PPM1H: variants seen among roughly 807,000 people sequenced by gnomAD.
The protein encoded by PPM1H is protein phosphatase 1H.
PPM1H carries 27 observed loss-of-function variants against 54.9 expected under a neutral mutation model. The ratio of observed to expected loss-of-function variants is 0.49; its 90% confidence interval spans 0.36 to 0.68. The LOEUF (loss-of-function observed/expected upper bound fraction) is 0.68. PPM1H is among the 30% of genes least tolerant of loss of function. The pLI is 0.00. For missense variants in PPM1H, 596 were observed against 667.8 expected (o/e 0.89, Z 1.19); for synonymous variants, 305 against 270.8 (o/e 1.13, Z -1.24).
In PPM1H at chr12:62,768,950, T is replaced by C. The variant is rs189236343; in HGVS notation, c.869+19276A>G. On this transcript the variant is annotated intron_variant, in intron 4 of 9. Transcript: ENST00000228705. The stretch of plus-strand genomic sequence containing the variant: ...TTTAAGCCTGTTACCTGATTTCTTT[T>C]AGGCCTAACCTGAGACATGTTTGTT... Among the ~76,000 whole-genome samples, 182 of 152,308 alleles carry C rather than the reference T, an allele frequency of 1.2e-3. 3 individuals are homozygous for C. Among genetic ancestry groups the C allele is most frequent in the East Asian group, 9.7e-4 (5 of 5,176 alleles).
At chr12:62,664,679 C>T (rs562652095) in intron 9 of PPM1H, among the ~76,000 whole-genome samples, 1 of 152,314 alleles carries the variant, frequency 6.6e-6, no homozygotes, top group African/African-American at 2.4e-5. Flanking sequence ...AATATGACCA[C>T]ATGTTTACTA....
intron 2 of PPM1H, among the ~76,000 whole-genome samples, chr12:62,821,440 C>G (rs1314077519): frequency 6.6e-6 from 1 of 152,132 alleles, no homozygotes; most frequent in East Asian, 1.9e-4. Flanking sequence ...AGATACTCCT[C>G]AAGAAGAGCA....
In PPM1H at chr12:62,934,109, T is replaced by G; in HGVS notation, c.245+383A>C. On this transcript the variant is annotated intron_variant, in intron 1 of 9. Transcript: ENST00000228705. The surrounding 1 kb of genome is among the most constrained non-coding windows in gnomAD (Gnocchi z 4.2). ...TCATCACGCGGGGGCGTCAACTATATTTTGGGAGGGTGGGGGTACAGATAG... is the reference window on the plus strand; with the variant it reads ...TCATCACGCGGGGGCGTCAACTATAGTTTGGGAGGGTGGGGGTACAGATAG... 3.5e-5 allele frequency: 6 copies of G among 173,874 alleles called. No homozygotes were observed. Among genetic ancestry groups the G allele is most frequent in the Admixed American group, 6.2e-5 (1 of 16,036 alleles). The allele number at this position is 173,874 out of a possible 1,614,324, so 10.8% of individuals were successfully genotyped here. A position where few individuals can be genotyped will look rare whatever the true frequency, so the allele number is the denominator to read the frequency against.
intron 3 of PPM1H, among the ~76,000 whole-genome samples, chr12:62,789,459 T>A (rs925519266): frequency 6.6e-6 from 1 of 152,226 alleles, no homozygotes; most frequent in African/African-American, 2.4e-5. Flanking sequence ...ATGACTTAAA[T>A]AAATTATAAA....
chr12:62,931,560 G>A (rs1268699409), intron 1 of PPM1H, among the ~76,000 whole-genome samples: 1 of 152,180 alleles, frequency 6.6e-6, no homozygotes, highest in African/African-American at 2.4e-5. Flanking sequence ...AGAGAGAGAT[G>A]GCCAAGACTT....
chr12:62,801,971 C>CG lies in PPM1H; in HGVS notation c.600dup (p.Ala201ArgfsTer38). The CG allele has an allele frequency of 1.2e-6, 2 of 1,612,556 alleles. No homozygotes were observed. Among genetic ancestry groups the CG allele is most frequent in the Non-Finnish European group, 1.7e-6 (2 of 1,179,118 alleles). ...GCCCGGGTCAGAGTCCGGCTGTTGG[C>CG]GGGCGTGTTCTCAGGCTCCTCCCCC... On this transcript the variant is annotated frameshift_variant, in exon 3 of 10. Transcript: ENST00000228705. LOFTEE classifies it high-confidence loss of function.
chr12:62,778,730 G>A (rs1008618108), intron 4 of PPM1H, among the ~76,000 whole-genome samples: 5 of 152,108 alleles, frequency 3.3e-5, no homozygotes, highest in Non-Finnish European at 1.5e-5. Context: ...CAAGAGGATG[G>A]CTTGAGCACA....
chr12:62,811,933 CAT>C (rs1435246479), intron 2 of PPM1H, among the ~76,000 whole-genome samples: 3 of 152,210 alleles, frequency 2.0e-5, no homozygotes, highest in African/African-American at 7.2e-5. Context: ...ATCCCCCTAA[CAT>C]CACAATAAAA....
intron 1 of PPM1H, among the ~76,000 whole-genome samples, chr12:62,852,741 A>G (rs1869243013): frequency 6.6e-6 from 1 of 152,212 alleles, no homozygotes; most frequent in South Asian, 2.1e-4. Flanking sequence ...CATGGAGATA[A>G]ACATACCTTT....
At chr12:62,832,351 A>G in intron 1 of PPM1H, 72 bp from the exon 2 acceptor site, 1 of 1,430,396 alleles carries the variant, frequency 7.0e-7, no homozygotes, top group East Asian at 2.5e-5. Flanking sequence ...GTCAAGGGTC[A>G]GCCAAGACAG....
At chr12:62,761,168 A>G (rs760172479) in intron 4 of PPM1H, among the ~76,000 whole-genome samples, 29 of 152,368 alleles carry the variant, frequency 1.9e-4, no homozygotes, top group Non-Finnish European at 3.4e-4. Flanking sequence ...TACAGCCAAC[A>G]ATAAATATTA....
intron 5 of PPM1H, among the ~76,000 whole-genome samples, chr12:62,734,364 T>C (rs10877911): frequency 0.18 from 27,260 of 152,132 alleles, 3,559 homozygotes; most frequent in African/African-American, 0.37. Context: ...TAATTCCTCA[T>C]ACAATAGCTA....
intron 1 of PPM1H, among the ~76,000 whole-genome samples, chr12:62,883,134 G>A (rs549236927): frequency 6.6e-6 from 1 of 152,300 alleles, no homozygotes; most frequent in South Asian, 2.1e-4. Flanking sequence ...TATTACAGAA[G>A]AAAGGAGCTT....
intron 3 of PPM1H, among the ~76,000 whole-genome samples, chr12:62,801,265 G>T (rs978494794): frequency 6.6e-6 from 1 of 151,996 alleles, no homozygotes. Context: ...AAGCAATAAG[G>T]CCTGTATTTA....
chr12:62,800,075 CT>C (rs1448409315), intron 3 of PPM1H, among the ~76,000 whole-genome samples: 1 of 152,164 alleles, frequency 6.6e-6, no homozygotes, highest in Non-Finnish European at 1.5e-5. Context: ...AGAGAAAAAG[CT>C]GAGACCAAAG....
intron 6 of PPM1H, among the ~76,000 whole-genome samples, chr12:62,713,119 A>G (rs1028440692): frequency 1.3e-5 from 2 of 152,202 alleles, no homozygotes; most frequent in Non-Finnish European, 2.9e-5. Context: ...AACTATCTCC[A>G]GTGAGTTTCT....
At chr12:62,810,146 T>C in intron 2 of PPM1H, among the ~76,000 whole-genome samples, 2 of 152,046 alleles carry the variant, frequency 1.3e-5, no homozygotes, top group Non-Finnish European at 2.9e-5. Flanking sequence ...AAGGAGAGAA[T>C]GGTTTTTATT....
Position 62,737,231 on chromosome 12 carries a change from A to AC in PPM1H, c.954+270_954+271insG, listed in dbSNP as rs1386275417. 2.0e-5 allele frequency among the ~76,000 whole-genome samples: 3 copies of AC among 151,070 alleles called. No homozygotes were observed. In the East Asian group the frequency reaches 5.8e-4, roughly 29 times the overall value. ...TAAGAAGCCATTAAAAAAAAAAAAA[A>AC]ACAAAAAAAACAAAACCAGAGCACA... On this transcript the variant is annotated intron_variant, in intron 5 of 9. Transcript: ENST00000228705.
At chr12:62,922,354 T>G (rs117344794) in intron 1 of PPM1H, among the ~76,000 whole-genome samples, 3,371 of 148,006 alleles carry the variant, frequency 0.023, 36 homozygotes, top group Non-Finnish European at 0.028. Flanking sequence ...TTTTAATAAT[T>G]TCACACAATG....
Sources: allele counts gnomAD v4.1 joint callset (sites outside exome capture counted in the v4.1 genomes callset), GRCh38; gene constraint gnomAD v4.1.1; non-coding constraint Gnocchi (gnomAD v3.1); transcripts MANE v1.5; gene names NCBI Gene and HGNC (gene_info 2026-07-23, HGNC 2026-07-21).